ZFYVE28: variants seen among roughly 807,000 people sequenced by gnomAD.
The protein encoded by ZFYVE28 is zinc finger FYVE-type containing 28.
Under a neutral mutation model 82.1 loss-of-function variants are expected in ZFYVE28, and 40 were observed. The ratio of observed to expected loss-of-function variants is 0.49; its 90% CI spans 0.38 to 0.63. The LOEUF (loss-of-function observed/expected upper bound fraction) is 0.63, where lower values mean the gene tolerates loss of function less well. ZFYVE28 is among the 30% of genes least tolerant of loss of function. The pLI is 0.00. For synonymous variants in ZFYVE28, 612 were observed against 546.1 expected, an observed-to-expected ratio of 1.12 and a Z score of -1.68; for missense variants, 1,321 against 1,242.1, an observed-to-expected ratio of 1.06 and a Z score of -0.96.
intron 1 of ZFYVE28, among the ~76,000 whole-genome samples, chr4:2,388,279 C>G (rs1729482693): frequency 6.6e-6 from 1 of 152,194 alleles, no homozygotes; most frequent in Non-Finnish European, 1.5e-5. Context: ...ATTAAAAGCT[C>G]TCACAATGTC....
chr4:2,363,755 T>A (rs533517796), intron 1 of ZFYVE28, among the ~76,000 whole-genome samples: 2 of 152,346 alleles, frequency 1.3e-5, no homozygotes, highest in Admixed American at 6.5e-5. Flanking sequence ...CGATCTTTGC[T>A]GTTCTCCACG....
intron 8 of ZFYVE28, among the ~76,000 whole-genome samples, chr4:2,298,004 C>G (rs1203065560): frequency 7.1e-6 from 1 of 140,596 alleles, no homozygotes; most frequent in East Asian, 2.1e-4. Context: ...CTGGGACGAA[C>G]AGCAGAGGAC....
At chr4:2,374,886 G>A (rs553268307) in intron 1 of ZFYVE28, among the ~76,000 whole-genome samples, 10 of 152,270 alleles carry the variant, frequency 6.6e-5, no homozygotes, top group East Asian at 5.8e-4. Context: ...GCTCCTCCTC[G>A]GTGGGTTTGT....
At chr4:2,285,181 A>AG (rs11433440) in intron 8 of ZFYVE28, among the ~76,000 whole-genome samples, 103,594 of 152,106 alleles carry the variant, frequency 0.68, 36,676 homozygotes, top group African/African-American at 0.88. Context: ...CTGTAAGCCA[A>AG]GTACACACCC....
intron 11 of ZFYVE28, 129 bp from the exon 12 acceptor site, chr4:2,271,543 G>C: frequency 2.1e-6 from 3 of 1,409,410 alleles, no homozygotes; most frequent in Non-Finnish European, 3.0e-6. Flanking sequence ...GCCTCCGGGG[G>C]GGCGGTCTCC....
chr4:2,333,348 A>G (rs1721033762), intron 6 of ZFYVE28, among the ~76,000 whole-genome samples: 1 of 143,854 alleles, frequency 7.0e-6, no homozygotes, highest in Non-Finnish European at 1.5e-5. Context: ...GCCTCCCAGG[A>G]TGAAAGCCTA....
At chr4:2,381,567 C>T (rs907706005) in intron 1 of ZFYVE28, among the ~76,000 whole-genome samples, 19 of 151,982 alleles carry the variant, frequency 1.3e-4, no homozygotes, top group African/African-American at 3.9e-4. Flanking sequence ...CCACCATGCC[C>T]GGCTAATTTT....
chr4:2,274,594 C>T (rs962013870), intron 8 of ZFYVE28, among the ~76,000 whole-genome samples: 3 of 152,252 alleles, frequency 2.0e-5, no homozygotes, highest in South Asian at 2.1e-4. Flanking sequence ...GAGTGTCAGG[C>T]AGCCCCCAAA....
At chr4:2,350,399 A>G (rs956313946) in intron 2 of ZFYVE28, among the ~76,000 whole-genome samples, 13 of 151,940 alleles carry the variant, frequency 8.6e-5, no homozygotes, top group South Asian at 2.1e-4. Context: ...GGGAGGCGGA[A>G]CTTGGACTGA....
chr4:2,386,240 T>C (rs184081745), intron 1 of ZFYVE28, among the ~76,000 whole-genome samples: 23 of 152,210 alleles, frequency 1.5e-4, no homozygotes, highest in Admixed American at 5.9e-4. Flanking sequence ...ATCCCAGCAC[T>C]CTGGGAGGCC....
chr4:2,361,099 C>T (rs1578248891), intron 1 of ZFYVE28, among the ~76,000 whole-genome samples: 1 of 152,134 alleles, frequency 6.6e-6, no homozygotes, highest in Admixed American at 6.5e-5. Context: ...TTTAAAATCA[C>T]ACTACATCAA....
chr4:2,412,534 T>C (rs1732628268), intron 1 of ZFYVE28, among the ~76,000 whole-genome samples: 1 of 151,560 alleles, frequency 6.6e-6, no homozygotes, highest in Non-Finnish European at 1.5e-5. Context: ...GGAGCTCCAA[T>C]GCTATTTAGA....
rs74446240 is a variant in ZFYVE28 at position 2,384,439 on chromosome 4, G to A, written c.40-30366C>T. Among the ~76,000 whole-genome samples the A allele has an allele frequency of 2.5e-3, 387 of 152,296 alleles. 9 individuals carry two copies. In the East Asian group the frequency reaches 0.061, roughly 24 times the overall value. Reference sequence around the variant, plus strand: ...CCAGCTGCCTGGTTTCCCAGGACAGGGCTGTGACTGACCACTGGAGGGGGC... The same window carrying A: ...CCAGCTGCCTGGTTTCCCAGGACAGAGCTGTGACTGACCACTGGAGGGGGC... On this transcript the variant is annotated intron_variant, in intron 1 of 12. Transcript: ENST00000290974.
At chr4:2,355,454 G>C (rs189422292) in intron 1 of ZFYVE28, among the ~76,000 whole-genome samples, 2 of 146,312 alleles carry the variant, frequency 1.4e-5, no homozygotes, top group Non-Finnish European at 3.0e-5. Flanking sequence ...GCCAATTTTT[G>C]TATTTTCTGT....
chr4:2,412,088 G>A (rs557911899), intron 1 of ZFYVE28, among the ~76,000 whole-genome samples: 50 of 152,264 alleles, frequency 3.3e-4, no homozygotes, highest in East Asian at 1.5e-3. Flanking sequence ...TCATCCTCAG[G>A]GGGACCTGTA....
At chr4:2,309,751 A>AAC (rs1449494179) in intron 7 of ZFYVE28, among the ~76,000 whole-genome samples, 5 of 152,210 alleles carry the variant, frequency 3.3e-5, no homozygotes, top group African/African-American at 9.7e-5. Flanking sequence ...CACAACAGAC[A>AAC]ACACACACAC....
rs1056180756 is a variant in ZFYVE28 at position 2,394,337 on chromosome 4, C to T, written c.39+23948G>A. ...CTTTGGGGGCCATCATTCTGCCTGC[C>T]GCAGGTGGCACAGCTGGGTCACCCA... On this transcript the variant is annotated intron_variant, in intron 1 of 12. Transcript: ENST00000290974. The surrounding 1 kb of genome is among the most constrained non-coding windows in gnomAD (Gnocchi z 4.0). 3.9e-5 allele frequency among the ~76,000 whole-genome samples: 6 copies of T among 152,160 alleles called. No homozygotes were observed. The highest frequency in any genetic ancestry group is 8.8e-5 in the Non-Finnish European group (6 of 68,024).
chr4:2,411,868 G>A (rs1732554106), intron 1 of ZFYVE28, among the ~76,000 whole-genome samples: 1 of 152,206 alleles, frequency 6.6e-6, no homozygotes, highest in Non-Finnish European at 1.5e-5. Context: ...TAGGTCCTGG[G>A]CATCCAGACA....
chr4:2,279,940 G>A (rs1234848123), intron 8 of ZFYVE28, among the ~76,000 whole-genome samples: 1 of 152,228 alleles, frequency 6.6e-6, no homozygotes, highest in African/African-American at 2.4e-5. Context: ...TCTTTATGGG[G>A]TGATGAAAAT....
Sources: gnomAD v4.1 joint callset for allele counts (sites outside exome capture counted in the v4.1 genomes callset) on GRCh38, gnomAD v4.1.1 for gene constraint, Gnocchi (gnomAD v3.1) non-coding constraint, MANE v1.5 for transcripts, NCBI Gene and HGNC (gene_info 2026-07-23, HGNC 2026-07-21) for gene names.